The following NCKAP5 variants were observed in gnomAD, a reference collection of about 807,000 sequenced individuals.
The protein encoded by NCKAP5 is NCK associated protein 5.
In NCKAP5, 92 loss-of-function variants were observed where a neutral mutation model predicts 167.0. The observed-to-expected ratio is 0.55, with a 90% CI of 0.47 to 0.66. The LOEUF (loss-of-function observed/expected upper bound fraction) is 0.66, where lower values mean the gene tolerates loss of function less well. Among genes scored for constraint, NCKAP5 ranks in the 30% least tolerant of loss-of-function variants. The pLI is 0.00. For synonymous variants in NCKAP5, 891 were observed against 877.4 expected, an observed-to-expected ratio of 1.02 and a Z score of -0.27; for missense variants, 2,378 against 2,315.0, an observed-to-expected ratio of 1.03 and a Z score of -0.56.
intron 3 of NCKAP5, among the ~76,000 whole-genome samples, chr2:133,481,745 G>T (rs1575036250): frequency 6.6e-6 from 1 of 152,216 alleles, no homozygotes; most frequent in Admixed American, 6.5e-5. Context: ...CCATCCATGT[G>T]CCTGCAAAGG....
chr2:133,009,479 A>T (rs2078079644), intron 6 of NCKAP5, among the ~76,000 whole-genome samples: 1 of 152,162 alleles, frequency 6.6e-6, no homozygotes, highest in Non-Finnish European at 1.5e-5. Flanking sequence ...AAAGGAAAAG[A>T]TGAATCTAAT....
intron 19 of NCKAP5, among the ~76,000 whole-genome samples, chr2:132,721,484 G>A (rs1167589025): frequency 6.6e-6 from 1 of 152,120 alleles, no homozygotes; most frequent in Non-Finnish European, 1.5e-5. Context: ...GGACTCCAGG[G>A]GTGGGACGGC....
At chr2:133,250,633 TA>T (rs1317525930) in intron 4 of NCKAP5, among the ~76,000 whole-genome samples, 1 of 152,194 alleles carries the variant, frequency 6.6e-6, no homozygotes, top group African/African-American at 2.4e-5. Context: ...TCGCAATTTT[TA>T]AAAAGCATTT....
At chr2:133,107,209 C>T (rs1043428987) in intron 6 of NCKAP5, among the ~76,000 whole-genome samples, 27 of 152,270 alleles carry the variant, frequency 1.8e-4, no homozygotes, top group African/African-American at 6.0e-4. Context: ...CCACGGCCAG[C>T]GCCCACTACC....
chr2:133,154,541 C>T (rs2083502307), intron 5 of NCKAP5, among the ~76,000 whole-genome samples: 1 of 152,164 alleles, frequency 6.6e-6, no homozygotes, highest in South Asian at 2.1e-4. Context: ...GATAATATGG[C>T]TTAGGTATTT....
intron 7 of NCKAP5, among the ~76,000 whole-genome samples, chr2:132,976,495 C>T (rs369334784): frequency 2.8e-5 from 4 of 143,146 alleles, no homozygotes; most frequent in East Asian, 2.1e-4. Flanking sequence ...ACCTGGGAGT[C>T]GGAGGTTGCA....
At chr2:133,271,778 AAT>A (rs1240470673) in intron 4 of NCKAP5, among the ~76,000 whole-genome samples, 3 of 152,202 alleles carry the variant, frequency 2.0e-5, no homozygotes, top group African/African-American at 7.2e-5. Flanking sequence ...TAGCTGATAT[AAT>A]AGAATTTTCA....
rs1350662447 is a variant in NCKAP5, at chr2:132,672,100, TAAAC to T, written c.*1185_*1188del. The T allele has an allele frequency of 6.6e-6, 1 of 152,596 alleles. No individual in the cohort carries two copies. Among genetic ancestry groups the T allele is most frequent in the Non-Finnish European group, 1.5e-5 (1 of 68,034 alleles). 9.5% of individuals were successfully genotyped at this position (152,596 alleles called of 1,614,324 possible). The stretch of plus-strand genomic sequence containing the variant: ...TTAAAATAGAATTTATCCTTACATA[TAAAC>T]AGTCTTTGTAGAAAAAAAAGGATAT... On this transcript the variant is annotated 3_prime_UTR_variant, in exon 20 of 20. Coordinates refer to ENST00000409261, the MANE Select transcript of NCKAP5 (RefSeq NM_207363.3).
At chr2:133,631,473 A>C in the NCKAP5 span, among the ~76,000 whole-genome samples, 1 of 152,222 alleles carries the variant, frequency 6.6e-6, no homozygotes, top group South Asian at 2.1e-4. Flanking sequence ...TCTTTAGAGA[A>C]TGTTTCTTCT....
intron 7 of NCKAP5, among the ~76,000 whole-genome samples, chr2:132,968,592 CGTT>C (rs1267238190): frequency 6.6e-5 from 10 of 152,156 alleles, no homozygotes; most frequent in Middle Eastern, 6.8e-3. Flanking sequence ...AGAAAGAAAA[CGTT>C]GTCAAGGCAC....
the NCKAP5 span, among the ~76,000 whole-genome samples, chr2:133,613,760 C>T: frequency 6.6e-6 from 1 of 152,152 alleles, no homozygotes; most frequent in Non-Finnish European, 1.5e-5. Context: ...GGGGTGGTCC[C>T]GTAGTCCCTT....
At chr2:132,816,756 G>GA (rs1325119223) in intron 11 of NCKAP5, among the ~76,000 whole-genome samples, 1 of 152,124 alleles carries the variant, frequency 6.6e-6, no homozygotes, top group East Asian at 1.9e-4. Context: ...CGGAGCTATG[G>GA]ACCAGCTCTT....
At chr2:132,916,229 T>C (rs1694864908) in intron 8 of NCKAP5, among the ~76,000 whole-genome samples, 1 of 151,974 alleles carries the variant, frequency 6.6e-6, no homozygotes, top group South Asian at 2.1e-4. Context: ...ACCCACTATA[T>C]TGTGCCTTGG....
intron 3 of NCKAP5, among the ~76,000 whole-genome samples, chr2:133,479,362 C>A (rs1328158683): frequency 6.6e-6 from 1 of 152,064 alleles, no homozygotes; most frequent in Non-Finnish European, 1.5e-5. Flanking sequence ...ACGAAGTAAC[C>A]AAGGTTGCTT....
intron 3 of NCKAP5, among the ~76,000 whole-genome samples, chr2:133,376,158 G>T (rs1412290018): frequency 6.6e-6 from 1 of 152,180 alleles, no homozygotes; most frequent in East Asian, 1.9e-4. Context: ...TTAGGTATCA[G>T]AAAGGAAGAA....
chr2:133,356,354 C>T (rs1310448803), intron 3 of NCKAP5, among the ~76,000 whole-genome samples: 2 of 152,092 alleles, frequency 1.3e-5, no homozygotes, highest in Non-Finnish European at 2.9e-5. Flanking sequence ...GTATTGGGGC[C>T]CTGTCTGTGC....
chr2:133,101,626 G>C (rs2081517776), intron 6 of NCKAP5, among the ~76,000 whole-genome samples: 1 of 152,006 alleles, frequency 6.6e-6, no homozygotes, highest in Non-Finnish European at 1.5e-5. Context: ...CACATCCCTT[G>C]TAAGTTGGAA....
At chr2:133,334,462 C>A (rs886293563) in intron 3 of NCKAP5, among the ~76,000 whole-genome samples, 1 of 152,012 alleles carries the variant, frequency 6.6e-6, no homozygotes, top group Non-Finnish European at 1.5e-5. Flanking sequence ...TATTATCACC[C>A]AGATTTTAAA....
chr2:133,649,764 A>C, the NCKAP5 span, among the ~76,000 whole-genome samples: 1 of 152,204 alleles, frequency 6.6e-6, no homozygotes, highest in Admixed American at 6.5e-5. Flanking sequence ...ATGTGTGAAA[A>C]GCCCATGACC....
Sources: allele counts gnomAD v4.1 joint callset (sites outside exome capture counted in the v4.1 genomes callset), GRCh38; gene constraint gnomAD v4.1.1; transcripts MANE v1.5; gene names NCBI Gene and HGNC (gene_info 2026-07-23, HGNC 2026-07-21).